TSC1: variants seen among roughly 807,000 people sequenced by gnomAD.
The protein encoded by TSC1 is TSC complex subunit 1, also known as hamartin.
A neutral mutation model predicts 124.3 loss-of-function variants in TSC1; 20 were observed. That is an observed-to-expected ratio of 0.16 (90% CI 0.11 to 0.23). TSC1 has a LOEUF of 0.23. TSC1 is among the 10% of genes least tolerant of loss of function. The probability of loss-of-function intolerance (pLI) is 1.00; values close to 1 mark genes in which losing one functional copy is unlikely to be tolerated. For synonymous variants in TSC1, 493 were observed against 539.1 expected (o/e 0.91, Z 1.19); for missense variants, 1,124 against 1,448.5 (o/e 0.78, Z 3.64).
At chr9:132,928,442 C>T (rs988185240) in intron 3 of TSC1, among the ~76,000 whole-genome samples, 8 of 152,144 alleles carry the variant, frequency 5.3e-5, no homozygotes, top group Non-Finnish European at 1.2e-4. Flanking sequence ...AGGTTAAGCA[C>T]TTTTCATATT....
intron 1 of TSC1, chr9:132,940,595 A>G (rs1847682937): frequency 6.6e-6 from 1 of 152,234 alleles, no homozygotes. Context: ...AAAAAGGTTC[A>G]TATCCCAGCT....
Position 132,903,931 on chromosome 9 carries a change from C to T in TSC1, c.2042-114G>A, listed in dbSNP as rs1845517261. 5.4e-6 allele frequency: 7 copies of T among 1,300,454 alleles called. No homozygotes were observed. Among genetic ancestry groups the T allele is most frequent in the Non-Finnish European group, 7.6e-6 (7 of 922,338 alleles). The allele number at this position is 1,300,454 out of a possible 1,614,324, so 80.6% of individuals were successfully genotyped here. ...ACACAATTCTTTAAAAACAAATCAC[C>T]ACTCTCTTTGCAAATGACCACTTGA... On this transcript the variant is annotated intron_variant, in intron 16 of 22. Transcript: ENST00000298552. This position sits in a 1 kb window ranked among gnomAD's most constrained non-coding sequence, Gnocchi z 5.9.
Position 132,900,852 on chromosome 9 carries a change from T to C in TSC1, c.2503-15A>G, listed in dbSNP as rs752540347. The C allele has an allele frequency of 5.6e-6, 9 of 1,613,666 alleles. No homozygotes were observed. Among genetic ancestry groups the C allele is most frequent in the Admixed American group, 5.0e-5 (3 of 59,978 alleles). ...CTGTTTGAGAGCTAACCAAAAAACA[T>C]GAGCAAAGTGAAAAATCCGACGACA... On this transcript the variant is annotated splice_polypyrimidine_tract_variant and intron_variant, in intron 19 of 22. Coordinates refer to ENST00000298552, the MANE Select transcript of TSC1 (RefSeq NM_000368.5).
intron 12 of TSC1, among the ~76,000 whole-genome samples, chr9:132,907,692 A>G (rs948170799): frequency 2.6e-5 from 4 of 152,048 alleles, no homozygotes; most frequent in African/African-American, 9.7e-5. Context: ...GTTTCTCCAC[A>G]TTGGTCAGGC....
At chr9:132,922,010 G>A (rs761756523) in intron 6 of TSC1, 37 bp from the exon 7 acceptor site, 2 of 1,613,696 alleles carry the variant, frequency 1.2e-6, no homozygotes, top group Non-Finnish European at 1.7e-6. Flanking sequence ...CCTCTTAGTT[G>A]GAGACAGATT....
At chr9:132,908,001 C>G (rs1310422918) in intron 12 of TSC1, among the ~76,000 whole-genome samples, 2 of 152,264 alleles carry the variant, frequency 1.3e-5, no homozygotes, top group African/African-American at 4.8e-5. Flanking sequence ...GTGGGAGGAC[C>G]ACCTGAGCCA....
chr9:132,906,382 C>CA lies in TSC1; in HGVS notation c.1439-244dup, dbSNP rs923721395. On this transcript the variant is annotated intron_variant, in intron 14 of 22. Coordinates refer to ENST00000298552, the MANE Select transcript of TSC1 (RefSeq NM_000368.5). The surrounding 1 kb of genome is among the most constrained non-coding windows in gnomAD (Gnocchi z 4.1). ...ACAACATAGGGAGATCCCATCTCTACAAAAAATACAATAAAAATCAGCTGA... is the reference window on the plus strand; with the variant it reads ...ACAACATAGGGAGATCCCATCTCTACAAAAAAATACAATAAAAATCAGCTGA... The CA allele has an allele frequency of 2.3e-5, 13 of 571,642 alleles. No homozygotes were observed. The highest frequency in any genetic ancestry group is 4.0e-5 in the Non-Finnish European group (13 of 321,716). 35.4% of individuals were successfully genotyped at this position (571,642 alleles called of 1,614,324 possible). A position where few individuals can be genotyped will look rare whatever the true frequency, so the allele number is the denominator to read the frequency against.
chr9:132,899,739 G>A (rs541533600), intron 20 of TSC1: 33 of 152,200 alleles, frequency 2.2e-4, no homozygotes, highest in Non-Finnish European at 4.6e-4. Context: ...GCCCCATGGA[G>A]AGGCAGCTAC....
chr9:132,911,522 T>C lies in TSC1; in HGVS notation c.960A>G (p.Leu320=), dbSNP rs770183315. The change falls in exon 10 of 23, where the codon TTA becomes TTG. Residue 320 remains leucine (L), a synonymous_variant. Transcript: ENST00000298552. ...TCTGAGGTAGCTGCCCTGGCATATT[T>C]AACAACATCAGCCGAGACGTGGAGT... The part of the protein sequence containing the change: ...TPYSTSRLML[L]NMPGQLPQTL... The C allele has an allele frequency of 3.7e-6, 6 of 1,611,690 alleles. No individual in the cohort carries two copies. Among genetic ancestry groups the C allele is most frequent in the Non-Finnish European group, 4.2e-6 (5 of 1,179,804 alleles).
At position 132,894,287 on chromosome 9, in the gene TSC1, G is replaced by A. The variant is rs1267888015; in HGVS notation, c.*1948C>T. 4.3e-6 allele frequency: 1 copy of A among 231,368 alleles called. No individual in the cohort carries two copies. The highest frequency in any genetic ancestry group is 8.6e-6 in the Non-Finnish European group (1 of 116,804). 14.3% of individuals were successfully genotyped at this position (231,368 alleles called of 1,614,324 possible). ...ATTCAGGAAAAGGCTTTAAGTGCCT[G>A]GTATCTTGTTCTATGGCACAGATCT... On this transcript the variant is annotated 3_prime_UTR_variant, in exon 23 of 23. Coordinates refer to ENST00000298552, the MANE Select transcript of TSC1 (RefSeq NM_000368.5).
At chr9:132,944,033 G>T (rs12551167) in intron 1 of TSC1, 13,727 of 152,502 alleles carry the variant, frequency 0.09, 630 homozygotes, top group African/African-American at 0.11. Context: ...TTTCAGCGGA[G>T]ACACCGAATC....
At chr9:132,904,195 A>G (rs1368054024) in intron 16 of TSC1, among the ~76,000 whole-genome samples, 1 of 152,168 alleles carries the variant, frequency 6.6e-6, no homozygotes, top group Non-Finnish European at 1.5e-5. Flanking sequence ...TGTATTTTGC[A>G]CTTATACTCT....
At chr9:132,913,930 A>C (rs1588331770) in intron 8 of TSC1, among the ~76,000 whole-genome samples, 3 of 103,846 alleles carry the variant, frequency 2.9e-5, no homozygotes, top group African/African-American at 3.9e-5. Flanking sequence ...ACAGAGTCTC[A>C]CTCTGTCACC....
intron 8 of TSC1, among the ~76,000 whole-genome samples, chr9:132,917,464 G>T (rs1193458830): frequency 1.3e-5 from 2 of 152,108 alleles, no homozygotes; most frequent in Admixed American, 6.6e-5. Context: ...CCAAGTAGCT[G>T]GGATTACAGG....
At position 132,911,439 on chromosome 9, in the gene TSC1, A is replaced by G. The variant is rs1267538573; in HGVS notation, c.1029+14T>C. 1.9e-6 allele frequency: 3 copies of G among 1,578,138 alleles called. No homozygotes were observed. The highest frequency in any genetic ancestry group is 3.3e-5 in the Admixed American group (2 of 59,940). ...AAGCAGAGGAGAGAGCAGGCACACT[A>G]GTTGACACCATACTTGTGGTGGTTC... is the stretch of plus-strand genomic sequence containing the variant. On this transcript the variant is annotated intron_variant, in intron 10 of 22. Transcript: ENST00000298552.
At position 132,921,232 on chromosome 9, in the gene TSC1, T is replaced by G. The variant is rs1050366267; in HGVS notation, c.737+131A>C. The G allele has an allele frequency of 4.3e-6, 4 of 935,410 alleles. No individual in the cohort carries two copies. The highest frequency in any genetic ancestry group is 6.8e-6 in the Non-Finnish European group (4 of 591,110). The allele number at this position is 935,410 out of a possible 1,614,324, so 57.9% of individuals were successfully genotyped here. On this transcript the variant is annotated intron_variant, in intron 8 of 22. Transcript: ENST00000298552. This position sits in a 1 kb window ranked among gnomAD's most constrained non-coding sequence, Gnocchi z 4.3. ...CTCACACAAATTTTAGCTGTATGAG[T>G]GCTTCCAAGTGGACTGATTCTGTAA... is the stretch of plus-strand genomic sequence containing the variant.
At position 132,904,442 on chromosome 9, in the gene TSC1, G is replaced by A. The variant is rs1588305958; in HGVS notation, c.2010C>T (p.Pro670=). The part of the protein sequence containing the change: ...HSKELNKLPL[P]SKSVDWTHFG... ...AGTGGGTCCAGTCGACAGACTTGCTGGGTAAAGGCAACCTAGGAAGAAAGT... is the reference window on the plus strand; with the variant it reads ...AGTGGGTCCAGTCGACAGACTTGCTAGGTAAAGGCAACCTAGGAAGAAAGT... Residue 670 remains proline (P), a synonymous_variant, in exon 16 of 23, where the codon CCC becomes CCT. Coordinates refer to ENST00000298552, the MANE Select transcript of TSC1 (RefSeq NM_000368.5). 5.0e-6 allele frequency: 8 copies of A among 1,614,038 alleles called. No individual in the cohort carries two copies. Among genetic ancestry groups the A allele is most frequent in the Non-Finnish European group, 6.8e-6 (8 of 1,180,006 alleles).
At chr9:132,912,036 A>C (rs1845992735) in intron 9 of TSC1, among the ~76,000 whole-genome samples, 1 of 152,210 alleles carries the variant, frequency 6.6e-6, no homozygotes, top group African/African-American at 2.4e-5. Flanking sequence ...TTTCTTTCTT[A>C]AGTGTTGGAG....
upstream of TSC1, chr9:132,944,924 G>A (rs894403608): frequency 3.9e-6 from 1 of 254,334 alleles, no homozygotes; most frequent in African/African-American, 2.2e-5. Flanking sequence ...AGCCACGCGA[G>A]AGCCCGAGGG....
Sources: allele counts gnomAD v4.1 joint callset (sites outside exome capture counted in the v4.1 genomes callset), GRCh38; gene constraint gnomAD v4.1.1; non-coding constraint Gnocchi (gnomAD v3.1); transcripts MANE v1.5; gene names NCBI Gene and HGNC (gene_info 2026-07-23, HGNC 2026-07-21).